The following NEBL variants were observed in gnomAD, a reference collection of about 807,000 sequenced individuals.
The protein encoded by NEBL is nebulette.
In NEBL, 122 loss-of-function variants were observed where a neutral mutation model predicts 140.2. The ratio of observed to expected loss-of-function variants is 0.87; its 90% CI spans 0.75 to 1.01. The LOEUF (loss-of-function observed/expected upper bound fraction) is 1.01. Among genes scored for constraint, NEBL ranks in the 50% least tolerant of loss-of-function variants. The pLI is 0.00. For synonymous variants in NEBL, 436 were observed against 398.9 expected (o/e 1.09, Z -1.11); for missense variants, 1,365 against 1,231.3 (o/e 1.11, Z -1.62).
At chr10:21,216,307 C>T (rs1841992357) in intron 3 of NEBL, among the ~76,000 whole-genome samples, 1 of 152,150 alleles carries the variant, frequency 6.6e-6, no homozygotes, top group African/African-American at 2.4e-5. Context: ...AGAATTAAGA[C>T]AAGGAGAAGT....
At chr10:20,966,423 T>C (rs1039045544) in intron 3 of NEBL, among the ~76,000 whole-genome samples, 1 of 152,206 alleles carries the variant, frequency 6.6e-6, no homozygotes, top group Non-Finnish European at 1.5e-5. Context: ...TAAATGAATG[T>C]TTGCAAGGTG....
chr10:20,908,365 G>T (rs758945045), intron 4 of NEBL, among the ~76,000 whole-genome samples: 4 of 152,148 alleles, frequency 2.6e-5, no homozygotes, highest in East Asian at 1.9e-4. Flanking sequence ...CAAAGGAATT[G>T]TCATTACGGA....
intron 3 of NEBL, among the ~76,000 whole-genome samples, chr10:21,196,338 T>C (rs1183770253): frequency 6.7e-6 from 1 of 148,614 alleles, no homozygotes; most frequent in African/African-American, 2.5e-5. Context: ...TATTTATTTA[T>C]TTATTTATTT....
intron 2 of NEBL, among the ~76,000 whole-genome samples, chr10:21,153,067 C>A (rs1273160696): frequency 1.3e-5 from 2 of 152,212 alleles, no homozygotes; most frequent in African/African-American, 4.8e-5. Flanking sequence ...AGCCTTCTAG[C>A]TCACAAATGT....
At chr10:20,900,764 G>A (rs1588979726), upstream of NEBL, among the ~76,000 whole-genome samples, 1 of 149,632 alleles carries the variant, frequency 6.7e-6, no homozygotes, top group African/African-American at 2.5e-5. Flanking sequence ...AGAATCGCTT[G>A]AACTTGGGAG....
At chr10:20,798,240 C>A (rs1006567390) in intron 26 of NEBL, among the ~76,000 whole-genome samples, 1 of 152,098 alleles carries the variant, frequency 6.6e-6, no homozygotes, top group Admixed American at 6.5e-5. Context: ...AGATAACGGG[C>A]AAGCAAAATG....
rs1840363684 is a variant in NEBL at position 20,831,059 on chromosome 10, C to T, written c.1671+137G>A. The T allele has an allele frequency of 3.1e-5, 22 of 720,968 alleles. No homozygotes were observed. The East Asian group carries it at 5.3e-4, about 17-fold the overall frequency. The allele number at this position is 720,968 out of a possible 1,614,324, so 44.7% of individuals were successfully genotyped here. A position where few individuals can be genotyped will look rare whatever the true frequency, so the allele number is the denominator to read the frequency against. On this transcript the variant is annotated intron_variant, in intron 16 of 27. Transcript: ENST00000377122. ...ATTAGTACGGTTAATCAAGTTTGGC[C>T]AATGGTTTCTTAGTGAAAGAGTACA...
chr10:20,928,726 A>G (rs1834030117), intron 4 of NEBL, among the ~76,000 whole-genome samples: 1 of 152,176 alleles, frequency 6.6e-6, no homozygotes, highest in Non-Finnish European at 1.5e-5. Context: ...ACCCTTCTCT[A>G]GAACTTTGCT....
At chr10:21,076,936 G>A (rs1836124046) in intron 2 of NEBL, among the ~76,000 whole-genome samples, 1 of 152,160 alleles carries the variant, frequency 6.6e-6, no homozygotes, top group Non-Finnish European at 1.5e-5. Flanking sequence ...TTTCATGGAT[G>A]TGGAGTTTCA....
chr10:20,809,535 T>G (rs1029939510), intron 25 of NEBL, among the ~76,000 whole-genome samples: 81 of 152,312 alleles, frequency 5.3e-4, no homozygotes, highest in African/African-American at 1.9e-3. Flanking sequence ...TCCAAATAAC[T>G]GTATTTGTAA....
intron 3 of NEBL, among the ~76,000 whole-genome samples, chr10:21,185,778 G>C (rs4748755): frequency 6.6e-6 from 1 of 152,036 alleles, no homozygotes; most frequent in African/African-American, 2.4e-5. Flanking sequence ...GATTACAGGC[G>C]TGACCCACTG....
intron 3 of NEBL, among the ~76,000 whole-genome samples, chr10:21,210,539 T>C (rs1402445722): frequency 6.6e-6 from 1 of 152,236 alleles, no homozygotes; most frequent in African/African-American, 2.4e-5. Context: ...ATTGCTGCCA[T>C]TTTTAAGGAG....
chr10:20,829,158 A>C (rs2130892250), intron 16 of NEBL, among the ~76,000 whole-genome samples: 1 of 152,252 alleles, frequency 6.6e-6, no homozygotes, highest in African/African-American at 2.4e-5. Flanking sequence ...CCTCAACTTA[A>C]AACCAGGCTC....
chr10:21,289,802 G>A (rs747306547), intron 1 of NEBL, among the ~76,000 whole-genome samples: 16 of 152,194 alleles, frequency 1.1e-4, no homozygotes, highest in Non-Finnish European at 2.4e-4. Flanking sequence ...TAGTGGGTCA[G>A]AAACTACAGT....
chr10:21,181,299 A>G (rs1259398811), intron 3 of NEBL, among the ~76,000 whole-genome samples: 3 of 151,882 alleles, frequency 2.0e-5, no homozygotes, highest in Non-Finnish European at 4.4e-5. Context: ...GAATGTAGCC[A>G]CGTTCTGCGC....
intron 1 of NEBL, among the ~76,000 whole-genome samples, chr10:21,291,821 G>A (rs546617331): frequency 8.0e-4 from 121 of 152,098 alleles, no homozygotes; most frequent in African/African-American, 2.7e-3. Flanking sequence ...CAGGAGAATC[G>A]CCTGAACCCG....
chr10:20,852,516 G>A (rs767114510), intron 10 of NEBL, 29 bp downstream of exon 10: 18 of 1,514,828 alleles, frequency 1.2e-5, no homozygotes, highest in Non-Finnish European at 1.6e-5. Flanking sequence ...CTGGCAGGGA[G>A]GGTAGGTACC....
rs143631423 is a variant in NEBL at position 20,918,231 on chromosome 10, G to A, written c.357+43441C>T. Among the ~76,000 whole-genome samples, 757 of 152,184 alleles carry A rather than the reference G, an allele frequency of 5.0e-3. 23 individuals are homozygous for A. The highest frequency in any genetic ancestry group is 1.2e-3 in the Non-Finnish European group (79 of 68,020). ...AAATTAGCTGGACATGGTGACAAGC[G>A]CTTGTAATCCCAGCTACTCAGGAGG... On this transcript the variant is annotated intron_variant, in intron 4 of 6. Coordinates refer to the NEBL transcript ENST00000417816.
chr10:20,882,170 A>AAGAAAGAAGGAAAGAC (rs375737068), intron 4 of NEBL, among the ~76,000 whole-genome samples: 1 of 151,986 alleles, frequency 6.6e-6, no homozygotes, highest in South Asian at 2.1e-4. Flanking sequence ...CTGCAAAAGA[A>AAGAAAGAAGGAAAGAC]AGAAAGAAGG....
Sources: allele counts gnomAD v4.1 joint callset (sites outside exome capture counted in the v4.1 genomes callset), GRCh38; gene constraint gnomAD v4.1.1; transcripts MANE v1.5; gene names NCBI Gene and HGNC (gene_info 2026-07-23, HGNC 2026-07-21).